SPATA13: variants seen among roughly 807,000 people sequenced by gnomAD.
SPATA13 encodes spermatogenesis associated 13, also known as spermatogenesis-associated protein 13.
Under a neutral mutation model 104.0 loss-of-function variants are expected in SPATA13, and 50 were observed. That is an observed-to-expected ratio of 0.48 (90% CI 0.38 to 0.61). The LOEUF (loss-of-function observed/expected upper bound fraction) is 0.61. Among genes scored for constraint, SPATA13 ranks in the 20% least tolerant of loss-of-function variants. The pLI is 0.00. For missense variants in SPATA13, 1,524 were observed against 1,690.6 expected (o/e 0.90, Z 1.73); for synonymous variants, 606 against 667.5 (o/e 0.91, Z 1.42).
At chr13:24,103,497 A>AC (rs1484057366) in intron 3 of SPATA13, among the ~76,000 whole-genome samples, 1 of 148,980 alleles carries the variant, frequency 6.7e-6, no homozygotes, top group African/African-American at 2.5e-5. Flanking sequence ...AAAAAAAAAA[A>AC]AAAAACAAGA....
intron 2 of SPATA13, among the ~76,000 whole-genome samples, chr13:24,015,760 C>T (rs1315426429): frequency 6.6e-6 from 1 of 152,150 alleles, no homozygotes; most frequent in Non-Finnish European, 1.5e-5. Flanking sequence ...ATTCCTAGGT[C>T]CACCGTTTCT....
intron 1 of SPATA13, among the ~76,000 whole-genome samples, chr13:24,174,060 T>C (rs1298106870): frequency 1.3e-5 from 2 of 152,230 alleles, no homozygotes; most frequent in Non-Finnish European, 2.9e-5. Context: ...AAGCATTTGG[T>C]AGAATTCTCC....
chr13:23,995,830 G>T (rs922517138), intron 2 of SPATA13, among the ~76,000 whole-genome samples: 2 of 152,110 alleles, frequency 1.3e-5, no homozygotes, highest in African/African-American at 4.8e-5. Flanking sequence ...TGTTTCCTGA[G>T]AACTGGGGAA....
At chr13:24,061,709 G>T (rs894268153) in intron 3 of SPATA13, among the ~76,000 whole-genome samples, 1 of 152,010 alleles carries the variant, frequency 6.6e-6, no homozygotes, top group East Asian at 1.9e-4. Flanking sequence ...CAACACTGGG[G>T]TCTAATTGAG....
intron 4 of SPATA13, chr13:24,270,585 T>G: frequency 1.8e-6 from 1 of 548,222 alleles, no homozygotes; most frequent in Middle Eastern, 5.0e-4. Flanking sequence ...TTGTCTTTGG[T>G]GTATATAGGT....
In SPATA13 at chr13:24,223,902, A is replaced by T. The variant is rs2138612782; in HGVS notation, c.973A>T (p.Ser325Cys). 6.4e-7 allele frequency: 1 copy of T among 1,551,638 alleles called. No individual in the cohort carries two copies. Among genetic ancestry groups the T allele is most frequent in the African/African-American group, 1.4e-5 (1 of 73,162 alleles). ...CTTTGACAGAGTCTTCAAACTTGTGAGCAATGTGACTGAGGCTGCCTGGAG... is the reference window on the plus strand; with the variant it reads ...CTTTGACAGAGTCTTCAAACTTGTGTGCAATGTGACTGAGGCTGCCTGGAG... The part of the protein sequence containing the change: ...KDFDRVFKLV[S>C]NVTEAAWRRE... The change falls in exon 2 of 13, where the codon AGC becomes TGC. Residue 325 changes from serine to cysteine, a missense_variant. Coordinates refer to ENST00000382108, the MANE Select transcript of SPATA13 (RefSeq NM_001166271.3).
intron 3 of SPATA13, among the ~76,000 whole-genome samples, chr13:24,080,026 C>A (rs912068465): frequency 6.6e-6 from 1 of 152,136 alleles, no homozygotes; most frequent in East Asian, 1.9e-4. Context: ...GAAATGAAAC[C>A]AAAATTAGAA....
chr13:24,146,449 G>T (rs1392402436), intron 3 of SPATA13, among the ~76,000 whole-genome samples: 2 of 152,212 alleles, frequency 1.3e-5, no homozygotes, highest in East Asian at 3.9e-4. Context: ...AAATTCGTTG[G>T]CTTTCATTTA....
chr13:24,277,236 A>T (rs1351462924), intron 4 of SPATA13, among the ~76,000 whole-genome samples: 2 of 152,074 alleles, frequency 1.3e-5, no homozygotes, highest in African/African-American at 4.8e-5. Context: ...CAAGGTCAGG[A>T]GATCGAGACC....
Position 24,223,381 on chromosome 13 carries a change from G to T in SPATA13, c.452G>T (p.Gly151Val), listed in dbSNP as rs1201087442. The change falls in exon 2 of 13, where the codon GGC becomes GTC. Residue 151 changes from glycine (G) to valine (V), a missense_variant. Transcript: ENST00000382108. ...EHGLGKSIPN[G>V]AVPGAQASRG... Reference sequence around the variant, plus strand: ...GGCCTGGGAAAGTCCATCCCAAATGGCGCTGTCCCAGGAGCCCAGGCAAGC... The same window carrying T: ...GGCCTGGGAAAGTCCATCCCAAATGTCGCTGTCCCAGGAGCCCAGGCAAGC... The T allele has an allele frequency of 6.4e-7, 1 of 1,551,316 alleles. No individual in the cohort carries two copies. The highest frequency in any genetic ancestry group is 2.0e-5 in the Admixed American group (1 of 51,014).
chr13:23,999,520 G>C (rs1593266738), intron 2 of SPATA13, among the ~76,000 whole-genome samples: 2 of 152,178 alleles, frequency 1.3e-5, no homozygotes, highest in Non-Finnish European at 2.9e-5. Flanking sequence ...CTGAACAGCA[G>C]GTGATAGTTT....
chr13:24,301,772 G>A (rs962159129), intron 12 of SPATA13, among the ~76,000 whole-genome samples: 2 of 152,142 alleles, frequency 1.3e-5, no homozygotes, highest in African/African-American at 2.4e-5. Context: ...TAATCTAATC[G>A]CTAATTTTAA....
rs867695654 is a variant in SPATA13 at position 24,148,243 on chromosome 13, C to T, written c.-111-74576C>T. ...ACTGCCTATGTCTTTTGATTACGAT[C>T]GTTACTATTGTTAGGGCTCTGGTGA... On this transcript the variant is annotated intron_variant, in intron 3 of 14. Transcript: ENST00000424834. 6.6e-5 allele frequency among the ~76,000 whole-genome samples: 10 copies of T among 152,112 alleles called. No individual in the cohort carries two copies. The East Asian group carries it at 9.6e-4, about 15-fold the overall frequency.
chr13:24,236,962 C>T (rs965568132), intron 2 of SPATA13, among the ~76,000 whole-genome samples: 2 of 152,178 alleles, frequency 1.3e-5, no homozygotes, highest in African/African-American at 4.8e-5. Context: ...CAGCACTATT[C>T]ATAAGAGGCA....
In SPATA13 at chr13:24,224,432, T is replaced by C; in HGVS notation, c.1503T>C (p.Ser501=). 2 of 1,551,144 alleles carry C rather than the reference T, an allele frequency of 1.3e-6. No individual in the cohort carries two copies. Among genetic ancestry groups the C allele is most frequent in the Non-Finnish European group, 8.7e-7 (1 of 1,146,876 alleles). The change falls in exon 2 of 13, where the codon AGT becomes AGC. Residue 501 remains serine (S), a synonymous_variant. Coordinates refer to ENST00000382108, the MANE Select transcript of SPATA13 (RefSeq NM_001166271.3). ...CCCTGTCCGCGAATTCAGAGGAAAG[T>C]GAAGGAAGGGCAGAAGAGCCTGCTC... ...HSALSANSEE[S]EGRAEEPAQR...
chr13:24,224,546 T>C lies in SPATA13; in HGVS notation c.1617T>C (p.Gly539=), dbSNP rs1437045927. 3 of 1,542,236 alleles carry C rather than the reference T, an allele frequency of 1.9e-6. No homozygotes were observed. The highest frequency in any genetic ancestry group is 2.7e-5 in the African/African-American group (2 of 73,028). Residue 539 remains glycine, a synonymous_variant, in exon 2 of 13, where the codon GGT becomes GGC. Coordinates refer to ENST00000382108, the MANE Select transcript of SPATA13 (RefSeq NM_001166271.3). ...EGSKDLLVNI[G]VAAGPEEKEK... ...GCAAGGACCTTCTGGTGAACATTGGTGTGGCAGCCGGCCCAGAAGAAAAGG... is the reference window on the plus strand; with the variant it reads ...GCAAGGACCTTCTGGTGAACATTGGCGTGGCAGCCGGCCCAGAAGAAAAGG...
rs563644141 is a variant in SPATA13 at position 24,295,304 on chromosome 13, C to T, written c.3210+436C>T. The stretch of plus-strand genomic sequence containing the variant: ...AAATATTACCTACCTCATAGGCTAC[C>T]GTGAGCATTTTATAAAACAGTACAG... On this transcript the variant is annotated intron_variant, in intron 10 of 12. Transcript: ENST00000382108. 3.9e-5 allele frequency among the ~76,000 whole-genome samples: 6 copies of T among 152,076 alleles called. No individual in the cohort carries two copies. The East Asian group carries it at 7.7e-4, about 20-fold the overall frequency.
chr13:24,145,842 C>T (rs945752213), intron 3 of SPATA13, among the ~76,000 whole-genome samples: 3 of 152,110 alleles, frequency 2.0e-5, no homozygotes, highest in Non-Finnish European at 2.9e-5. Context: ...GACTTCACGG[C>T]GGAGACAGAG....
At chr13:24,056,597 C>G (rs568534464) in intron 3 of SPATA13, among the ~76,000 whole-genome samples, 26 of 152,230 alleles carry the variant, frequency 1.7e-4, no homozygotes, top group Non-Finnish European at 5.9e-5. Flanking sequence ...ACCCACAGAG[C>G]CCAGCACAGT....
Sources: gnomAD v4.1 joint callset for allele counts (sites outside exome capture counted in the v4.1 genomes callset) on GRCh38, gnomAD v4.1.1 for gene constraint, MANE v1.5 for transcripts, NCBI Gene and HGNC (gene_info 2026-07-23, HGNC 2026-07-21) for gene names.